CACNG3: variants seen among roughly 807,000 people sequenced by gnomAD.
CACNG3 encodes the protein voltage-dependent calcium channel gamma-3 subunit.
Under a neutral mutation model 28.5 loss-of-function variants are expected in CACNG3, and 3 were observed. The ratio of observed to expected loss-of-function variants is 0.11; its 90% confidence interval spans 0.05 to 0.27. The LOEUF is 0.27. Among genes scored for constraint, CACNG3 ranks in the 10% least tolerant of loss-of-function variants. The pLI is 1.00. For synonymous variants in CACNG3, 174 were observed against 162.2 expected, an observed-to-expected ratio of 1.07 and a Z score of -0.55; for missense variants, 236 against 414.4, an observed-to-expected ratio of 0.57 and a Z score of 3.74.
Position 24,361,991 on chromosome 16 carries a change from T to TCAGC in CACNG3, c.*130_*133dup. 3.2e-6 allele frequency: 3 copies of TCAGC among 934,872 alleles called. No homozygotes were observed. Among genetic ancestry groups the TCAGC allele is most frequent in the Non-Finnish European group, 4.7e-6 (3 of 644,240 alleles). 57.9% of individuals were successfully genotyped at this position (934,872 alleles called of 1,614,324 possible). A position where few individuals can be genotyped will look rare whatever the true frequency, so the allele number is the denominator to read the frequency against. On this transcript the variant is annotated 3_prime_UTR_variant, in exon 4 of 4. Coordinates refer to ENST00000005284, the MANE Select transcript of CACNG3 (RefSeq NM_006539.4). The surrounding 1 kb of genome is among the most constrained non-coding windows in gnomAD (Gnocchi z 6.8). ...TTACAAAGAATGAAACCAAATGGAC[T>TCAGC]CAGCCCTCTCCCACATTTTCCCCTC...
At chr16:24,262,102 T>C (rs938342118) in intron 1 of CACNG3, among the ~76,000 whole-genome samples, 2 of 152,232 alleles carry the variant, frequency 1.3e-5, no homozygotes, top group Non-Finnish European at 2.9e-5. Context: ...GGGGCACTGC[T>C]CTACCCCTAA....
intron 1 of CACNG3, among the ~76,000 whole-genome samples, chr16:24,266,013 C>A (rs1424351080): frequency 6.6e-6 from 1 of 152,190 alleles, no homozygotes; most frequent in African/African-American, 2.4e-5. Context: ...TTTTCTTGCA[C>A]CATCTGCCTT....
rs373058071 is a variant in CACNG3, at chr16:24,299,614, T to G, written c.211+42649T>G. Among the ~76,000 whole-genome samples, 4 of 152,224 alleles carry G rather than the reference T, an allele frequency of 2.6e-5. No homozygotes were observed. The East Asian group carries it at 5.8e-4, about 22-fold the overall frequency. On this transcript the variant is annotated intron_variant, in intron 1 of 3. Coordinates refer to ENST00000005284, the MANE Select transcript of CACNG3 (RefSeq NM_006539.4). Reference sequence around the variant, plus strand: ...AAATCTGTGTATATATAGCAACCCATGTAAATAGACACATTCATAACTATT... The same window carrying G: ...AAATCTGTGTATATATAGCAACCCAGGTAAATAGACACATTCATAACTATT...
intron 1 of CACNG3, among the ~76,000 whole-genome samples, chr16:24,261,199 C>T (rs1398648776): frequency 6.6e-6 from 1 of 152,088 alleles, no homozygotes; most frequent in African/African-American, 2.4e-5. Context: ...AAGCATTTCC[C>T]AATCCTCTTA....
intron 2 of CACNG3, among the ~76,000 whole-genome samples, chr16:24,347,590 A>G (rs1899887015): frequency 6.6e-6 from 1 of 152,222 alleles, no homozygotes; most frequent in South Asian, 2.1e-4. Flanking sequence ...CCCAAGGAGC[A>G]AGACCTAGGA....
At chr16:24,323,051 G>A (rs1313132997) in intron 1 of CACNG3, among the ~76,000 whole-genome samples, 1 of 151,886 alleles carries the variant, frequency 6.6e-6, no homozygotes, top group Non-Finnish European at 1.5e-5. Flanking sequence ...CATGGCAAGA[G>A]CCTGTCTCTA....
At chr16:24,277,508 C>T (rs137868097) in intron 1 of CACNG3, among the ~76,000 whole-genome samples, 52 of 152,272 alleles carry the variant, frequency 3.4e-4, no homozygotes, top group African/African-American at 1.2e-3. Context: ...AGTGCGGTGG[C>T]TTACACCCGT....
chr16:24,355,273 TAA>T (rs5816251), intron 3 of CACNG3, among the ~76,000 whole-genome samples: 6,228 of 152,220 alleles, frequency 0.041, 139 homozygotes, highest in Middle Eastern at 0.092. Flanking sequence ...GAGAGATTTA[TAA>T]GAGTGTACAT....
At chr16:24,257,809 T>C (rs1243199755) in intron 1 of CACNG3, among the ~76,000 whole-genome samples, 2 of 152,192 alleles carry the variant, frequency 1.3e-5, no homozygotes, top group African/African-American at 2.4e-5. Context: ...TAACTTATAA[T>C]GAAGAAGAAA....
intron 1 of CACNG3, among the ~76,000 whole-genome samples, chr16:24,264,465 G>A (rs1898572432): frequency 6.6e-6 from 1 of 152,192 alleles, no homozygotes; most frequent in Non-Finnish European, 1.5e-5. Flanking sequence ...AGTTGCAGTA[G>A]GAAGGTACCA....
intron 1 of CACNG3, among the ~76,000 whole-genome samples, chr16:24,278,303 T>G (rs1367435402): frequency 6.6e-6 from 1 of 152,094 alleles, no homozygotes; most frequent in Non-Finnish European, 1.5e-5. Flanking sequence ...CATCCATGCA[T>G]AACAAGTAAA....
At chr16:24,323,356 A>G (rs929948237) in intron 1 of CACNG3, among the ~76,000 whole-genome samples, 1 of 152,038 alleles carries the variant, frequency 6.6e-6, no homozygotes, top group African/African-American at 2.4e-5. Context: ...CCTAGCATGG[A>G]TGTATCTTAG....
chr16:24,294,230 C>T (rs934647508), intron 1 of CACNG3, among the ~76,000 whole-genome samples: 4 of 152,240 alleles, frequency 2.6e-5, no homozygotes, highest in Non-Finnish European at 2.9e-5. Context: ...GGCACCAGAA[C>T]GTCTCCCCTC....
intron 1 of CACNG3, chr16:24,333,400 T>C (rs965604519): frequency 6.6e-6 from 1 of 152,312 alleles, no homozygotes; most frequent in African/African-American, 2.4e-5. Flanking sequence ...TTTTATTCTC[T>C]TAAAAAAATT....
intron 1 of CACNG3, among the ~76,000 whole-genome samples, chr16:24,312,616 G>C (rs1899278913): frequency 1.3e-5 from 2 of 152,046 alleles, no homozygotes; most frequent in Non-Finnish European, 2.9e-5. Context: ...AAGAATTTGA[G>C]ACCAGCCTGG....
At chr16:24,329,810 G>A (rs1458948562) in intron 1 of CACNG3, among the ~76,000 whole-genome samples, 1 of 152,166 alleles carries the variant, frequency 6.6e-6, no homozygotes, top group Non-Finnish European at 1.5e-5. Flanking sequence ...CAAGGCAGGT[G>A]GATTACTTGA....
intron 1 of CACNG3, among the ~76,000 whole-genome samples, chr16:24,341,041 C>T (rs901985888): frequency 1.3e-5 from 2 of 152,228 alleles, no homozygotes; most frequent in African/African-American, 4.8e-5. Context: ...CCATCTTCTA[C>T]AGTGGGTGGG....
chr16:24,315,955 G>C (rs929510739), intron 1 of CACNG3, among the ~76,000 whole-genome samples: 8 of 152,090 alleles, frequency 5.3e-5, no homozygotes, highest in African/African-American at 1.7e-4. Context: ...CACTGTGCCC[G>C]GCCCATCATC....
At chr16:24,339,889 C>T (rs948272352) in intron 1 of CACNG3, among the ~76,000 whole-genome samples, 2 of 152,104 alleles carry the variant, frequency 1.3e-5, no homozygotes, top group African/African-American at 4.8e-5. Context: ...AGGGTTTGAC[C>T]TTTAAGAAAA....
Sources: gnomAD v4.1 joint callset for allele counts (sites outside exome capture counted in the v4.1 genomes callset) on GRCh38, gnomAD v4.1.1 for gene constraint, Gnocchi (gnomAD v3.1) non-coding constraint, MANE v1.5 for transcripts, NCBI Gene and HGNC (gene_info 2026-07-23, HGNC 2026-07-21) for gene names.